PPARGC1A: variants seen among roughly 807,000 people sequenced by gnomAD.
The protein encoded by PPARGC1A is PPARG coactivator 1 alpha, also known as peroxisome proliferator-activated receptor gamma coactivator 1-alpha.
Under a neutral mutation model 88.7 loss-of-function variants are expected in PPARGC1A, and 25 were observed. The observed-to-expected ratio is 0.28, with a 90% CI of 0.21 to 0.39. PPARGC1A has a LOEUF of 0.39. Ranked by LOEUF, PPARGC1A falls within the 10% of genes least tolerant of loss-of-function variation. The pLI, the probability that PPARGC1A is intolerant of heterozygous loss-of-function variation, is 1.00. For missense variants in PPARGC1A, 880 were observed against 968.7 expected (o/e 0.91, Z 1.22); for synonymous variants, 363 against 355.6 (o/e 1.02, Z -0.24).
chr4:23,845,710 C>T (rs1238119215), intron 2 of PPARGC1A, among the ~76,000 whole-genome samples: 4 of 152,162 alleles, frequency 2.6e-5, no homozygotes, highest in African/African-American at 9.7e-5. Context: ...CACTAAAGTG[C>T]TCTGCACAGA....
chr4:24,190,739 C>T, the PPARGC1A span, among the ~76,000 whole-genome samples: 5 of 152,114 alleles, frequency 3.3e-5, no homozygotes, highest in Admixed American at 2.0e-4. Context: ...GTCTTCACAG[C>T]CTGGGCATTT....
chr4:24,126,426 T>C, the PPARGC1A span, among the ~76,000 whole-genome samples: 2 of 152,178 alleles, frequency 1.3e-5, no homozygotes, highest in African/African-American at 2.4e-5. Flanking sequence ...TGGCTTTGAA[T>C]GAGCTATGTG....
chr4:23,882,905 G>C (rs1450896028), intron 2 of PPARGC1A: 1 of 152,092 alleles, frequency 6.6e-6, no homozygotes, highest in East Asian at 1.9e-4. Context: ...GCCCACCAGA[G>C]AGGCATTGAC....
the PPARGC1A span, among the ~76,000 whole-genome samples, chr4:24,089,672 G>A: frequency 2.0e-5 from 3 of 151,886 alleles, no homozygotes; most frequent in Admixed American, 1.3e-4. Flanking sequence ...CGCCACGCCC[G>A]GCTAATTTTT....
At chr4:24,352,278 C>T in the PPARGC1A span, among the ~76,000 whole-genome samples, 1 of 152,094 alleles carries the variant, frequency 6.6e-6, no homozygotes, top group African/African-American at 2.4e-5. Flanking sequence ...TCAAAGGCAT[C>T]ACTCCAACAG....
At chr4:23,859,764 G>A (rs1015732917) in intron 2 of PPARGC1A, among the ~76,000 whole-genome samples, 5 of 148,848 alleles carry the variant, frequency 3.4e-5, no homozygotes, top group African/African-American at 9.9e-5. Context: ...CTGGGAGAGA[G>A]TGCAAGACAC....
chr4:24,105,511 T>C, the PPARGC1A span, among the ~76,000 whole-genome samples: 1 of 152,220 alleles, frequency 6.6e-6, no homozygotes, highest in Non-Finnish European at 1.5e-5. Flanking sequence ...CAAATCTTCC[T>C]GTTCACACAG....
the PPARGC1A span, among the ~76,000 whole-genome samples, chr4:24,400,883 A>G: frequency 2.6e-4 from 40 of 152,346 alleles, no homozygotes; most frequent in South Asian, 7.9e-3. Flanking sequence ...AAAATCAATG[A>G]AGGACAAATG....
chr4:23,896,981 G>T (rs1718675833), intron 1 of PPARGC1A, among the ~76,000 whole-genome samples: 1 of 152,186 alleles, frequency 6.6e-6, no homozygotes, highest in South Asian at 2.1e-4. Flanking sequence ...CCCTAAATGT[G>T]AAACAACCTG....
the PPARGC1A span, among the ~76,000 whole-genome samples, chr4:24,021,504 A>G: frequency 1.3e-5 from 2 of 152,108 alleles, no homozygotes; most frequent in African/African-American, 4.8e-5. Context: ...CACAGTACAT[A>G]TTATCTAGTG....
upstream of PPARGC1A, among the ~76,000 whole-genome samples, chr4:23,900,259 T>G (rs1263358580): frequency 6.6e-6 from 1 of 152,204 alleles, no homozygotes; most frequent in African/African-American, 2.4e-5. Flanking sequence ...CTCTAAAATT[T>G]TAGTCTTTCT....
the PPARGC1A span, among the ~76,000 whole-genome samples, chr4:24,180,376 A>AT: frequency 6.6e-6 from 1 of 152,084 alleles, no homozygotes; most frequent in African/African-American, 2.4e-5. Context: ...AACTGGTTAC[A>AT]TTTTTTCTAC....
the PPARGC1A span, among the ~76,000 whole-genome samples, chr4:24,219,379 C>T: frequency 4.6e-5 from 7 of 152,138 alleles, no homozygotes; most frequent in African/African-American, 1.7e-4. Flanking sequence ...TGCTACATTC[C>T]CGGGCCGAAT....
At chr4:23,808,250 CA>C (rs527466137) in intron 10 of PPARGC1A, among the ~76,000 whole-genome samples, 3,703 of 93,784 alleles carry the variant, frequency 0.039, 120 homozygotes, top group African/African-American at 0.13. Flanking sequence ...GACTCCATCT[CA>C]AAAAAAAAAA....
the PPARGC1A span, among the ~76,000 whole-genome samples, chr4:24,424,379 C>T: frequency 6.8e-6 from 1 of 147,274 alleles, no homozygotes; most frequent in Non-Finnish European, 1.5e-5. Context: ...GGGTTCACGC[C>T]ATTCTCCTGC....
the PPARGC1A span, among the ~76,000 whole-genome samples, chr4:24,242,228 G>T: frequency 6.6e-6 from 1 of 152,136 alleles, no homozygotes; most frequent in Non-Finnish European, 1.5e-5. Flanking sequence ...TCCCACTCAA[G>T]GCTCCCTTCA....
chr4:24,316,690 C>A, the PPARGC1A span, among the ~76,000 whole-genome samples: 1 of 152,196 alleles, frequency 6.6e-6, no homozygotes, highest in African/African-American at 2.4e-5. Context: ...TCAGCTTCCA[C>A]GTCATCAGCT....
the PPARGC1A span, among the ~76,000 whole-genome samples, chr4:24,360,372 C>T: frequency 6.6e-6 from 1 of 152,170 alleles, no homozygotes; most frequent in Non-Finnish European, 1.5e-5. Flanking sequence ...GAACTCTCAT[C>T]CTTCACTCTG....
the PPARGC1A span, among the ~76,000 whole-genome samples, chr4:24,465,284 A>C: frequency 1.8e-4 from 27 of 152,258 alleles, no homozygotes. Flanking sequence ...CTTCATGTGA[A>C]AATAATGTAA....
Sources: allele counts gnomAD v4.1 joint callset (sites outside exome capture counted in the v4.1 genomes callset), GRCh38; gene constraint gnomAD v4.1.1; transcripts MANE v1.5; gene names NCBI Gene and HGNC (gene_info 2026-07-23, HGNC 2026-07-21).